The following ZNF385B variants were observed in gnomAD, a reference collection of about 807,000 sequenced individuals.
ZNF385B encodes zinc finger protein 533.
In ZNF385B, 23 loss-of-function variants were observed where a neutral mutation model predicts 39.2. The observed-to-expected ratio is 0.59, with a 90% CI of 0.42 to 0.83. The LOEUF is 0.83. Ranked by LOEUF, ZNF385B falls within the 40% of genes least tolerant of loss-of-function variation. The pLI, the probability that ZNF385B is intolerant of heterozygous loss-of-function variation, is 0.00. For synonymous variants in ZNF385B, 205 were observed against 222.6 expected (o/e 0.92, Z 0.70); for missense variants, 552 against 598.9 (o/e 0.92, Z 0.82).
intron 5 of ZNF385B, among the ~76,000 whole-genome samples, chr2:179,507,282 C>A (rs889837040): frequency 6.6e-6 from 1 of 152,050 alleles, no homozygotes; most frequent in Non-Finnish European, 1.5e-5. Flanking sequence ...TTTTAGGGAG[C>A]CCATAGGCCC....
chr2:179,654,157 A>G (rs1475024284), intron 3 of ZNF385B, among the ~76,000 whole-genome samples: 1 of 152,100 alleles, frequency 6.6e-6, no homozygotes, highest in African/African-American at 2.4e-5. Context: ...ATCTTAACCT[A>G]AAGGGAGATC....
chr2:179,685,947 A>C (rs1283643524), intron 3 of ZNF385B, among the ~76,000 whole-genome samples: 1 of 152,192 alleles, frequency 6.6e-6, no homozygotes, highest in African/African-American at 2.4e-5. Context: ...ATGATATGGA[A>C]GGCTCTGACC....
intron 1 of ZNF385B, among the ~76,000 whole-genome samples, chr2:179,858,824 C>T (rs1684803792): frequency 6.6e-6 from 1 of 152,118 alleles, no homozygotes; most frequent in African/African-American, 2.4e-5. Context: ...TGAACAAAGA[C>T]TCACTCCTGT....
chr2:179,500,199 A>C (rs1365119615), intron 5 of ZNF385B, among the ~76,000 whole-genome samples: 1 of 152,148 alleles, frequency 6.6e-6, no homozygotes, highest in Non-Finnish European at 1.5e-5. Flanking sequence ...TAAAGTGTCC[A>C]TACTACCCAA....
rs1559338478 is a variant in ZNF385B at position 179,493,784 on chromosome 2, C to CATATATGTATACATGTATGTATATGCAT, written c.553-10351_553-10350insATGCATATACATACATGTATACATATAT. Among the ~76,000 whole-genome samples the CATATATGTATACATGTATGTATATGCAT allele has an allele frequency of 6.8e-5, 6 of 88,512 alleles. 2 individuals are homozygous for CATATATGTATACATGTATGTATATGCAT. The highest frequency in any genetic ancestry group is 1.4e-4 in the Non-Finnish European group (6 of 42,108). 58.1% of individuals were successfully genotyped at this position (88,512 alleles called of 152,430 possible). ...ATATGTATACATATATGTATATACA[C>CATATATGTATACATGTATGTATATGCAT]ATATGTATACATATATGTATATATA... On this transcript the variant is annotated intron_variant, in intron 5 of 9. Transcript: ENST00000410066.
At position 179,567,422 on chromosome 2, in the gene ZNF385B, A is replaced by G. The variant is rs145068067; in HGVS notation, c.299-22453T>C. On this transcript the variant is annotated intron_variant, in intron 3 of 9. Transcript: ENST00000410066. ...TTATGGTAAATTGAAAAGTGGGGTC[A>G]CTGGTCCTAAAGGTGCTTTTCTATT... 5.9e-5 allele frequency among the ~76,000 whole-genome samples: 9 copies of G among 152,318 alleles called. No homozygotes were observed. In the East Asian group the frequency reaches 1.7e-3, roughly 29 times the overall value.
intron 1 of ZNF385B, among the ~76,000 whole-genome samples, chr2:179,834,624 C>T (rs1708151369): frequency 6.6e-6 from 1 of 152,124 alleles, no homozygotes; most frequent in Non-Finnish European, 1.5e-5. Flanking sequence ...TTTTTACAAC[C>T]ACCATAGTAA....
At chr2:179,805,706 T>TA (rs1347714194) in intron 1 of ZNF385B, among the ~76,000 whole-genome samples, 4 of 152,206 alleles carry the variant, frequency 2.6e-5, no homozygotes, top group Admixed American at 6.5e-5. Context: ...AATGAATATG[T>TA]AAAAAACATA....
chr2:179,689,826 T>TGTGTG (rs1491484227), intron 3 of ZNF385B, among the ~76,000 whole-genome samples: 7 of 46,730 alleles, frequency 1.5e-4, no homozygotes, highest in African/African-American at 6.6e-4. Context: ...TGTGTGTGTG[T>TGTGTG]TTATTTGTTT....
Position 179,457,453 on chromosome 2 carries a change from C to T in ZNF385B, c.716-10683G>A, listed in dbSNP as rs530368374. ...ATCTAGCTTTAGTAGATTCTGAAAA[C>T]AGTCTTCCAAACTGATTGTACCAAT... On this transcript the variant is annotated intron_variant, in intron 6 of 9. Coordinates refer to ENST00000410066, the MANE Select transcript of ZNF385B (RefSeq NM_152520.6). Among the ~76,000 whole-genome samples, 10 of 152,140 alleles carry T rather than the reference C, an allele frequency of 6.6e-5. No homozygotes were observed. In the South Asian group the frequency reaches 2.1e-3, roughly 32 times the overall value.
At chr2:179,577,251 A>C (rs1394035967) in intron 3 of ZNF385B, among the ~76,000 whole-genome samples, 1 of 152,124 alleles carries the variant, frequency 6.6e-6, no homozygotes, top group Non-Finnish European at 1.5e-5. Context: ...GTCAAAATTA[A>C]TAGGGAATAA....
chr2:179,529,468 A>G (rs561457068), intron 4 of ZNF385B, among the ~76,000 whole-genome samples: 9 of 152,346 alleles, frequency 5.9e-5, no homozygotes, highest in Admixed American at 4.6e-4. Context: ...CAAAGTATAC[A>G]TAAGATTTTA....
intron 1 of ZNF385B, among the ~76,000 whole-genome samples, chr2:179,799,383 A>C (rs865775571): frequency 2.0e-5 from 3 of 152,196 alleles, no homozygotes; most frequent in East Asian, 1.9e-4. Flanking sequence ...GTATTCCTTT[A>C]CATTAAAATC....
chr2:179,706,338 G>A (rs989876009), intron 3 of ZNF385B, among the ~76,000 whole-genome samples: 1 of 152,132 alleles, frequency 6.6e-6, no homozygotes, highest in East Asian at 1.9e-4. Flanking sequence ...ACTGCCACTG[G>A]AGTCCCCTGT....
intron 3 of ZNF385B, among the ~76,000 whole-genome samples, chr2:179,636,656 C>CAGA: frequency 6.6e-6 from 1 of 152,306 alleles, no homozygotes; most frequent in South Asian, 2.1e-4. Context: ...TCATTGGCTT[C>CAGA]ACAGCAATCA....
intron 3 of ZNF385B, among the ~76,000 whole-genome samples, chr2:179,703,249 C>T (rs1699343411): frequency 6.6e-6 from 1 of 152,170 alleles, no homozygotes; most frequent in Non-Finnish European, 1.5e-5. Context: ...TATGCACCTG[C>T]CTCAAGACCT....
intron 3 of ZNF385B, among the ~76,000 whole-genome samples, chr2:179,686,650 A>G (rs1377389131): frequency 2.0e-5 from 3 of 152,184 alleles, no homozygotes; most frequent in Admixed American, 6.6e-5. Flanking sequence ...ATACCTTTCC[A>G]TGATCCCAAA....
intron 3 of ZNF385B, among the ~76,000 whole-genome samples, chr2:179,578,636 C>A (rs1394624583): frequency 1.3e-5 from 2 of 152,088 alleles, no homozygotes; most frequent in Admixed American, 6.6e-5. Flanking sequence ...AATTGCCAAT[C>A]ATGATGATGC....
At chr2:179,518,247 TA>T (rs1217527519) in intron 5 of ZNF385B, among the ~76,000 whole-genome samples, 9 of 152,244 alleles carry the variant, frequency 5.9e-5, no homozygotes, top group Non-Finnish European at 1.0e-4. Context: ...AAATTTGTAT[TA>T]TTTTTTATTG....
Sources: gnomAD v4.1 joint callset for allele counts (sites outside exome capture counted in the v4.1 genomes callset) on GRCh38, gnomAD v4.1.1 for gene constraint, MANE v1.5 for transcripts, NCBI Gene and HGNC (gene_info 2026-07-23, HGNC 2026-07-21) for gene names.